Variants in TFAP2C observed in about 807,000 individuals in gnomAD.
TFAP2C encodes transcription factor AP-2 gamma.
Under a neutral mutation model 42.9 loss-of-function variants are expected in TFAP2C, and 9 were observed. That is an observed-to-expected ratio of 0.21 (90% CI 0.13 to 0.37). The LOEUF is 0.37. TFAP2C is among the 10% of genes least tolerant of loss of function. The pLI, the probability that TFAP2C is intolerant of heterozygous loss-of-function variation, is 1.00. For missense variants in TFAP2C, 462 were observed against 591.7 expected (o/e 0.78, Z 2.27); for synonymous variants, 264 against 256.0 (o/e 1.03, Z -0.30).
rs571545943 is a variant in TFAP2C at position 56,633,872 on chromosome 20, G to A, written c.804-278G>A. 3.2e-4 allele frequency among the ~76,000 whole-genome samples: 49 copies of A among 152,256 alleles called. 1 individual carries two copies. Among genetic ancestry groups the A allele is most frequent in the Non-Finnish European group, 5.4e-4 (37 of 68,030 alleles). ...TTCCCCAGGGAGTTTTTGTGGGGCC[G>A]TTGTAGTTTCACAAGTGAAAATTTG... On this transcript the variant is annotated intron_variant, in intron 4 of 6. Coordinates refer to ENST00000201031, the MANE Select transcript of TFAP2C (RefSeq NM_003222.4).
chr20:56,630,916 G>A lies in TFAP2C; in HGVS notation c.49-289G>A. 1.0e-6 allele frequency: 1 copy of A among 985,372 alleles called. No homozygotes were observed. The highest frequency in any genetic ancestry group is 1.2e-6 in the Non-Finnish European group (1 of 829,908). The allele number at this position is 985,372 out of a possible 1,614,324, so 61.0% of individuals were successfully genotyped here. On this transcript the variant is annotated intron_variant, in intron 1 of 6. Transcript: ENST00000201031. This position sits in a 1 kb window ranked among gnomAD's most constrained non-coding sequence, Gnocchi z 5.1. ...CCAAGACCCAGGGTTCGGACTTGGC[G>A]CCTCCAAGCGCCTCGGGCTTGGGAG...
At chr20:56,636,087 C>A (rs1025540837) in intron 5 of TFAP2C, among the ~76,000 whole-genome samples, 1 of 152,188 alleles carries the variant, frequency 6.6e-6, no homozygotes, top group East Asian at 1.9e-4. Flanking sequence ...GTTTCAGGGT[C>A]TTTTCTGCTC....
At position 56,631,932 on chromosome 20, in the gene TFAP2C, T is replaced by A; in HGVS notation, c.586+76T>A. 1 of 1,540,546 alleles carries A rather than the reference T, an allele frequency of 6.5e-7. No homozygotes were observed. The highest frequency in any genetic ancestry group is 9.0e-7 in the Non-Finnish European group (1 of 1,114,104). ...TGAAGTTGACTGGCAAGGTTGGGGG[T>A]ATTTGGTGGCCAGCGTGGGACATTT... On this transcript the variant is annotated intron_variant, in intron 3 of 6. Transcript: ENST00000201031. The surrounding 1 kb of genome is among the most constrained non-coding windows in gnomAD (Gnocchi z 6.1).
Position 56,631,930 on chromosome 20 carries a change from G to A in TFAP2C, c.586+74G>A. On this transcript the variant is annotated intron_variant, in intron 3 of 6. Coordinates refer to ENST00000201031, the MANE Select transcript of TFAP2C (RefSeq NM_003222.4). This position sits in a 1 kb window ranked among gnomAD's most constrained non-coding sequence, Gnocchi z 6.1. ...TGTGAAGTTGACTGGCAAGGTTGGG[G>A]GTATTTGGTGGCCAGCGTGGGACAT... 6.5e-7 allele frequency: 1 copy of A among 1,539,950 alleles called. No individual in the cohort carries two copies. Among genetic ancestry groups the A allele is most frequent in the South Asian group, 1.1e-5 (1 of 89,194 alleles).
chr20:56,631,799 C>T lies in TFAP2C; in HGVS notation c.535-6C>T. Reference sequence around the variant, plus strand: ...ACTTAAGGGAATTTTGTCCTCTCTCCCCCAGAATGTCGACGACCAGCACCT... The same window carrying T: ...ACTTAAGGGAATTTTGTCCTCTCTCTCCCAGAATGTCGACGACCAGCACCT... On this transcript the variant is annotated splice_polypyrimidine_tract_variant and splice_region_variant and intron_variant, in intron 2 of 6. Coordinates refer to ENST00000201031, the MANE Select transcript of TFAP2C (RefSeq NM_003222.4). The surrounding 1 kb of genome is among the most constrained non-coding windows in gnomAD (Gnocchi z 6.1). 1 of 1,614,160 alleles carries T rather than the reference C, an allele frequency of 6.2e-7. No homozygotes were observed. The highest frequency in any genetic ancestry group is 8.5e-7 in the Non-Finnish European group (1 of 1,180,028).
chr20:56,633,946 A>G (rs1987541148), intron 4 of TFAP2C, among the ~76,000 whole-genome samples: 1 of 152,218 alleles, frequency 6.6e-6, no homozygotes, highest in African/African-American at 2.4e-5. Context: ...GTTGGATGCT[A>G]GGAAAGATTG....
rs932116862 is a variant in TFAP2C, at chr20:56,629,749, G to A, written c.48+157G>A. ...ACACCCCTTAGTCCATTTCTGCGGG[G>A]CCCCTTTCCTGTATAGGGCCTTTTC... On this transcript the variant is annotated intron_variant, in intron 1 of 6. Coordinates refer to ENST00000201031, the MANE Select transcript of TFAP2C (RefSeq NM_003222.4). This position sits in a 1 kb window ranked among gnomAD's most constrained non-coding sequence, Gnocchi z 5.9. 6.6e-6 allele frequency among the ~76,000 whole-genome samples: 1 copy of A among 152,040 alleles called. No homozygotes were observed. Among genetic ancestry groups the A allele is most frequent in the Admixed American group, 6.5e-5 (1 of 15,272 alleles).
At chr20:56,634,472 G>A (rs1239679787) in intron 5 of TFAP2C, among the ~76,000 whole-genome samples, 1 of 152,210 alleles carries the variant, frequency 6.6e-6, no homozygotes, top group Admixed American at 6.5e-5. Context: ...TGGTTGCTCA[G>A]GTAGGCTCTT....
chr20:56,635,848 A>T (rs1197049812), intron 5 of TFAP2C, among the ~76,000 whole-genome samples: 1 of 152,224 alleles, frequency 6.6e-6, no homozygotes, highest in African/African-American at 2.4e-5. Context: ...CCTTCCGTAT[A>T]GTTTAAATCA....
intron 4 of TFAP2C, 83 bp downstream of exon 4, chr20:56,633,652 T>C: frequency 1.1e-6 from 1 of 941,628 alleles, no homozygotes. Context: ...TTTTAACATT[T>C]ATGTGACTTT....
intron 5 of TFAP2C, among the ~76,000 whole-genome samples, chr20:56,635,180 C>T (rs1987561389): frequency 6.6e-6 from 1 of 152,112 alleles, no homozygotes; most frequent in South Asian, 2.1e-4. Context: ...GAGGTCAGGG[C>T]AAGGAGAAAG....
At chr20:56,635,947 A>C (rs1010247942) in intron 5 of TFAP2C, among the ~76,000 whole-genome samples, 4 of 152,200 alleles carry the variant, frequency 2.6e-5, no homozygotes, top group African/African-American at 7.2e-5. Flanking sequence ...ATAATGGCAA[A>C]AGTCTGTGTG....
chr20:56,634,748 T>G (rs1171033045), intron 5 of TFAP2C, among the ~76,000 whole-genome samples: 1 of 152,118 alleles, frequency 6.6e-6, no homozygotes, highest in African/African-American at 2.4e-5. Flanking sequence ...ACTGGCCCGA[T>G]TCACAATTCT....
At chr20:56,632,073 G>GT (rs1002675038) in intron 3 of TFAP2C, among the ~76,000 whole-genome samples, 6 of 152,134 alleles carry the variant, frequency 3.9e-5, no homozygotes, top group Admixed American at 3.9e-4. Flanking sequence ...TTACTGCCTA[G>GT]TTTTTTTTCT....
rs1027362863 is a variant in TFAP2C at position 56,629,311 on chromosome 20, A to T, written c.-234A>T. 2.5e-6 allele frequency: 1 copy of T among 393,912 alleles called. No homozygotes were observed. The highest frequency in any genetic ancestry group is 2.1e-5 in the African/African-American group (1 of 48,498). The allele number at this position is 393,912 out of a possible 1,614,324, so 24.4% of individuals were successfully genotyped here. ...CGGGTCCCCCGGCTATCGCCAGGACACACTGTTCGGGCGCGGCTTTCCCCG... is the reference window on the plus strand; with the variant it reads ...CGGGTCCCCCGGCTATCGCCAGGACTCACTGTTCGGGCGCGGCTTTCCCCG... On this transcript the variant is annotated 5_prime_UTR_variant, in exon 1 of 7. Transcript: ENST00000201031. The surrounding 1 kb of genome is among the most constrained non-coding windows in gnomAD (Gnocchi z 5.9).
Position 56,630,022 on chromosome 20 carries a change from A to C in TFAP2C, c.48+430A>C, listed in dbSNP as rs530493365. Among the ~76,000 whole-genome samples, 40 of 151,756 alleles carry C rather than the reference A, an allele frequency of 2.6e-4. No individual in the cohort carries two copies. In the South Asian group the frequency reaches 7.1e-3, roughly 27 times the overall value. ...AGGCCGGCTTGTCACCTGCCCCGCT[A>C]CCTCCTCGGGGAAGCACGAAAACAA... On this transcript the variant is annotated intron_variant, in intron 1 of 6. Coordinates refer to ENST00000201031, the MANE Select transcript of TFAP2C (RefSeq NM_003222.4). The surrounding 1 kb of genome is among the most constrained non-coding windows in gnomAD (Gnocchi z 5.1).
At chr20:56,632,737 A>G (rs1474288414) in intron 3 of TFAP2C, among the ~76,000 whole-genome samples, 3 of 151,290 alleles carry the variant, frequency 2.0e-5, no homozygotes, top group Non-Finnish European at 4.4e-5. Context: ...CTTGAGGGGA[A>G]AAAACTCACC....
At position 56,638,839 on chromosome 20, in the gene TFAP2C, C is replaced by T. The variant is rs1428042188; in HGVS notation, c.*826C>T. ...TTGCTGCTTGTCACCCCCAAGTCCCCGTGGAGGTTCTGTATTTTAAGAAAC... is the reference window on the plus strand; with the variant it reads ...TTGCTGCTTGTCACCCCCAAGTCCCTGTGGAGGTTCTGTATTTTAAGAAAC... On this transcript the variant is annotated 3_prime_UTR_variant, in exon 7 of 7. Transcript: ENST00000201031. The T allele has an allele frequency of 2.6e-5, 4 of 152,376 alleles. No homozygotes were observed. The highest frequency in any genetic ancestry group is 9.7e-5 in the African/African-American group (4 of 41,368). The allele number at this position is 152,376 out of a possible 1,614,324, so 9.4% of individuals were successfully genotyped here. A position where few individuals can be genotyped will look rare whatever the true frequency, so the allele number is the denominator to read the frequency against.
intron 5 of TFAP2C, among the ~76,000 whole-genome samples, chr20:56,636,016 T>C (rs1430964820): frequency 6.6e-6 from 1 of 152,184 alleles, no homozygotes; most frequent in Non-Finnish European, 1.5e-5. Context: ...AATCTGAGTT[T>C]GGATGAATAC....
Sources: allele counts gnomAD v4.1 joint callset (sites outside exome capture counted in the v4.1 genomes callset), GRCh38; gene constraint gnomAD v4.1.1; non-coding constraint Gnocchi (gnomAD v3.1); transcripts MANE v1.5; gene names NCBI Gene and HGNC (gene_info 2026-07-23, HGNC 2026-07-21).